Variants in TCERG1L observed in about 807,000 individuals in gnomAD.
TCERG1L encodes transcription elongation regulator 1 like, also known as transcription elongation regulator 1-like protein.
A neutral mutation model predicts 56.3 loss-of-function variants in TCERG1L; 37 were observed. That is an observed-to-expected ratio of 0.66 (90% CI 0.51 to 0.87). TCERG1L has a LOEUF of 0.87. Among genes scored for constraint, TCERG1L ranks in the 40% least tolerant of loss-of-function variants. The probability of loss-of-function intolerance (pLI) is 0.00; values close to 1 mark genes in which losing one functional copy is unlikely to be tolerated. For missense variants in TCERG1L, 799 were observed against 774.2 expected (o/e 1.03, Z -0.38); for synonymous variants, 324 against 326.3 (o/e 0.99, Z 0.08).
At chr10:131,243,843 A>T (rs1354148238) in intron 4 of TCERG1L, among the ~76,000 whole-genome samples, 1 of 152,120 alleles carries the variant, frequency 6.6e-6, no homozygotes, top group Non-Finnish European at 1.5e-5. Context: ...AAATAACAAA[A>T]TCATGAGATA....
chr10:131,112,260 C>T lies in TCERG1L; in HGVS notation c.1395+4539G>A, dbSNP rs750666074. Among the ~76,000 whole-genome samples the T allele has an allele frequency of 5.6e-5, 8 of 142,480 alleles. 3 individuals are homozygous for T. The East Asian group carries it at 7.1e-4, about 13-fold the overall frequency. 93.5% of individuals were successfully genotyped at this position (142,480 alleles called of 152,430 possible). On this transcript the variant is annotated intron_variant, in intron 9 of 11. Coordinates refer to ENST00000368642, the MANE Select transcript of TCERG1L (RefSeq NM_174937.4). The stretch of plus-strand genomic sequence containing the variant: ...TCCCCGAGCTCTGTCCAGATGTGCC[C>T]GCTCTATTTCTCCAGCTCTGACTCC...
intron 4 of TCERG1L, among the ~76,000 whole-genome samples, chr10:131,255,544 A>C (rs1378429349): frequency 6.6e-6 from 1 of 152,174 alleles, no homozygotes; most frequent in Non-Finnish European, 1.5e-5. Context: ...GCTCGGAGGG[A>C]GGCACTGGGT....
intron 4 of TCERG1L, among the ~76,000 whole-genome samples, chr10:131,185,232 T>C (rs1329475871): frequency 6.6e-6 from 1 of 151,890 alleles, no homozygotes; most frequent in African/African-American, 2.4e-5. Flanking sequence ...TAGAAAAAAA[T>C]AGATGTTTGA....
intron 3 of TCERG1L, among the ~76,000 whole-genome samples, chr10:131,295,283 G>A (rs1440505501): frequency 6.6e-6 from 1 of 152,160 alleles, no homozygotes; most frequent in East Asian, 1.9e-4. Context: ...GTTGCTATGG[G>A]CATCTTTTTA....
At chr10:131,241,677 G>C (rs1451272698) in intron 4 of TCERG1L, among the ~76,000 whole-genome samples, 1 of 151,746 alleles carries the variant, frequency 6.6e-6, no homozygotes, top group Non-Finnish European at 1.5e-5. Context: ...GAACACAGTG[G>C]ATAGCGTAAT....
intron 4 of TCERG1L, among the ~76,000 whole-genome samples, chr10:131,253,239 G>A (rs2133534819): frequency 6.6e-6 from 1 of 152,324 alleles, no homozygotes; most frequent in South Asian, 2.1e-4. Context: ...AGGAATGACA[G>A]CTGGTGGGTG....
rs553582953 is a variant in TCERG1L at position 131,134,335 on chromosome 10, A to C, written c.1259+44T>G. On this transcript the variant is annotated intron_variant, in intron 8 of 11. Transcript: ENST00000368642. The stretch of plus-strand genomic sequence containing the variant: ...CCTTTTCTTTCTACACCACCTGAGT[A>C]CACAGTAGGGAAAGATCTGCTGGGG... 3.3e-6 allele frequency: 5 copies of C among 1,525,002 alleles called. 1 individual carries two copies. In the African/African-American group the frequency reaches 6.9e-5, roughly 21 times the overall value. The allele number at this position is 1,525,002 out of a possible 1,614,324, so 94.5% of individuals were successfully genotyped here. A position where few individuals can be genotyped will look rare whatever the true frequency, so the allele number is the denominator to read the frequency against.
At chr10:131,227,040 A>T (rs987847140) in intron 4 of TCERG1L, among the ~76,000 whole-genome samples, 1 of 152,232 alleles carries the variant, frequency 6.6e-6, no homozygotes, top group Non-Finnish European at 1.5e-5. Context: ...CCCTGCTCAC[A>T]ACAGCAAGGC....
intron 7 of TCERG1L, among the ~76,000 whole-genome samples, chr10:131,136,922 A>G (rs1057430539): frequency 6.7e-6 from 1 of 150,230 alleles, no homozygotes; most frequent in African/African-American, 2.4e-5. Context: ...TGGGTGGATC[A>G]TGAGGTCAGG....
chr10:131,256,425 A>C (rs1564827002), intron 4 of TCERG1L, among the ~76,000 whole-genome samples: 1 of 152,230 alleles, frequency 6.6e-6, no homozygotes, highest in Non-Finnish European at 1.5e-5. Flanking sequence ...GAAGCAAAGA[A>C]CAGGTGGCAA....
intron 9 of TCERG1L, among the ~76,000 whole-genome samples, chr10:131,107,145 C>T (rs373808084): frequency 9.1e-4 from 139 of 152,172 alleles, no homozygotes; most frequent in African/African-American, 3.0e-3. Context: ...CACCTGCCCC[C>T]GGGAGCATCT....
intron 3 of TCERG1L, among the ~76,000 whole-genome samples, chr10:131,278,077 G>GCTCCTGC (rs1846411618): frequency 6.6e-6 from 1 of 151,954 alleles, no homozygotes; most frequent in South Asian, 2.1e-4. Flanking sequence ...GGGGCTCCCG[G>GCTCCTGC]CTCCTGCCTC....
At chr10:131,156,059 G>A (rs1845917366) in intron 6 of TCERG1L, 1 of 152,234 alleles carries the variant, frequency 6.6e-6, no homozygotes, top group Non-Finnish European at 1.5e-5. Context: ...CTTAGCGAGT[G>A]CAACTGCAAG....
chr10:131,287,102 G>A (rs764940808), intron 3 of TCERG1L, among the ~76,000 whole-genome samples: 11 of 152,188 alleles, frequency 7.2e-5, no homozygotes, highest in Non-Finnish European at 1.0e-4. Context: ...AAACATGAGT[G>A]CCAGAAAATT....
rs1845194375 is a variant in TCERG1L, at chr10:131,092,893, T to C, written c.*269A>G. The C allele has an allele frequency of 2.9e-6, 1 of 340,430 alleles. No homozygotes were observed. Among genetic ancestry groups the C allele is most frequent in the South Asian group, 6.4e-5 (1 of 15,726 alleles). 21.1% of individuals were successfully genotyped at this position (340,430 alleles called of 1,614,324 possible). A position where few individuals can be genotyped will look rare whatever the true frequency, so the allele number is the denominator to read the frequency against. On this transcript the variant is annotated 3_prime_UTR_variant, in exon 12 of 12. Transcript: ENST00000368642. The stretch of plus-strand genomic sequence containing the variant: ...CACAGTCCTGCAGTGGATTGATAAT[T>C]TGTGTATATTACAAGTAATTTGCAT...
intron 6 of TCERG1L, 128 bp from the exon 7 acceptor site, chr10:131,146,788 A>G: frequency 3.9e-6 from 4 of 1,038,962 alleles, no homozygotes; most frequent in Non-Finnish European, 5.5e-6. Flanking sequence ...TTGTTTATGG[A>G]TAGTATGAAT....
Position 131,309,259 on chromosome 10 carries a change from G to C in TCERG1L, c.383C>G (p.Pro128Arg), listed in dbSNP as rs772795939. The C allele has an allele frequency of 7.5e-6, 12 of 1,604,104 alleles. No individual in the cohort carries two copies. The Admixed American group carries it at 1.9e-4, about 26-fold the overall frequency. ...GGHSPSLGLPPSSTVELVPVF... is the reference protein window; with the variant it reads ...GGHSPSLGLPRSSTVELVPVF... ...GGGCACCAGCTCCACTGTGGAAGAGGGGGGCAGTCCTAGGGACGGAGAATG... is the reference window on the plus strand; with the variant it reads ...GGGCACCAGCTCCACTGTGGAAGAGCGGGGCAGTCCTAGGGACGGAGAATG... The change falls in exon 2 of 12, where the codon CCC becomes CGC. Residue 128 changes from proline to arginine, a missense_variant. Physicochemically the swap from Pro to Arg is moderately radical, Grantham distance 103 (BLOSUM62 -2). Coordinates refer to ENST00000368642, the MANE Select transcript of TCERG1L (RefSeq NM_174937.4).
At chr10:131,293,251 GA>G (rs1846652471) in intron 3 of TCERG1L, among the ~76,000 whole-genome samples, 1 of 152,062 alleles carries the variant, frequency 6.6e-6, no homozygotes, top group Non-Finnish European at 1.5e-5. Context: ...GCCTGGATTT[GA>G]AAGCTAACTT....
Position 131,118,897 on chromosome 10 carries a change from C to T in TCERG1L, c.1260-1963G>A, listed in dbSNP as rs1481160818. On this transcript the variant is annotated intron_variant, in intron 8 of 11. Coordinates refer to ENST00000368642, the MANE Select transcript of TCERG1L (RefSeq NM_174937.4). The surrounding 1 kb of genome is among the most constrained non-coding windows in gnomAD (Gnocchi z 4.2). ...TAAGGTCTGGAAACATTTGTGGCTG[C>T]CACAACTGGGGAGATGTTACCAGCA... 6.6e-6 allele frequency among the ~76,000 whole-genome samples: 1 copy of T among 152,178 alleles called. No homozygotes were observed. The highest frequency in any genetic ancestry group is 2.4e-5 in the African/African-American group (1 of 41,440).
Sources: allele counts gnomAD v4.1 joint callset (sites outside exome capture counted in the v4.1 genomes callset), GRCh38; gene constraint gnomAD v4.1.1; non-coding constraint Gnocchi (gnomAD v3.1); transcripts MANE v1.5; gene names NCBI Gene and HGNC (gene_info 2026-07-23, HGNC 2026-07-21).